LRRC40: variants seen among roughly 807,000 people sequenced by gnomAD.
LRRC40 encodes leucine rich repeat containing 40, also known as leucine-rich repeat-containing protein 40.
In LRRC40, 76 loss-of-function variants were observed where a neutral mutation model predicts 72.8. The observed-to-expected ratio is 1.04, with a 90% CI of 0.87 to 1.26. The LOEUF (loss-of-function observed/expected upper bound fraction) is 1.26, where lower values mean the gene tolerates loss of function less well. Among genes scored for constraint, LRRC40 ranks in the 50% most tolerant of loss-of-function variants. The pLI is 0.00. For missense variants in LRRC40, 684 were observed against 698.9 expected, an observed-to-expected ratio of 0.98 and a Z score of 0.24; for synonymous variants, 243 against 254.2, an observed-to-expected ratio of 0.96 and a Z score of 0.42.
At chr1:70,171,378 G>A in intron 9 of LRRC40, among the ~76,000 whole-genome samples, 1 of 148,986 alleles carries the variant, frequency 6.7e-6, no homozygotes, top group South Asian at 2.1e-4. Context: ...ATACTTCAAA[G>A]AACAACATCA....
Position 70,181,187 on chromosome 1 carries a change from G to A in LRRC40, c.560C>T (p.Thr187Ile). Residue 187 changes from threonine to isoleucine, a missense_variant, in exon 5 of 15, where the codon ACA (threonine) becomes ATA (isoleucine). Physicochemically the swap from Thr to Ile is moderately conservative, Grantham distance 89 (BLOSUM62 -1). Coordinates refer to ENST00000370952, the MANE Select transcript of LRRC40 (RefSeq NM_017768.5). ...AGAAGAAAAACTAGCAGGAACAGTT[G>A]TAAGATGATTGTTTGAAAGATCCTT... ...EDLDLSNNHL[T>I]TVPASFSSLS... The A allele has an allele frequency of 1.3e-6, 2 of 1,569,926 alleles. No individual in the cohort carries two copies. The highest frequency in any genetic ancestry group is 2.5e-5 in the South Asian group (2 of 81,616).
rs75077715 is a variant in LRRC40 at position 70,184,893 on chromosome 1, G to T, written c.429C>A (p.Leu143=). 6.2e-7 allele frequency: 1 copy of T among 1,605,024 alleles called. No homozygotes were observed. The highest frequency in any genetic ancestry group is 1.3e-5 in the African/African-American group (1 of 74,774). ...TTCTTAGGTTTGTAATTTCTTCAGG[G>T]AGTATTTTCAGTTTATTATGGCTAT... ...LNVSHNKLKI[L]PEEITNLRNL... The change falls in exon 4 of 15, where the codon CTC becomes CTA. Residue 143 remains leucine, a synonymous_variant. Transcript: ENST00000370952.
chr1:70,157,995 G>C (rs983453740), intron 10 of LRRC40, among the ~76,000 whole-genome samples: 4 of 151,056 alleles, frequency 2.6e-5, no homozygotes, highest in African/African-American at 9.7e-5. Flanking sequence ...CAGCTACTTG[G>C]GAGGCTGAGG....
At chr1:70,185,454 T>C (rs112898194) in intron 3 of LRRC40, among the ~76,000 whole-genome samples, 275 of 152,270 alleles carry the variant, frequency 1.8e-3, no homozygotes, top group African/African-American at 6.0e-3. Context: ...TCCTCATTTT[T>C]CTCCTGCTGC....
intron 12 of LRRC40, chr1:70,151,859 A>C (rs1478437018): frequency 1.3e-5 from 2 of 152,178 alleles, no homozygotes; most frequent in Non-Finnish European, 2.9e-5. Flanking sequence ...AGGAGCCAAT[A>C]TAACTACTAA....
intron 9 of LRRC40, among the ~76,000 whole-genome samples, chr1:70,167,760 G>A (rs1296361111): frequency 6.6e-6 from 1 of 151,892 alleles, no homozygotes. Context: ...GACTACAGGT[G>A]TGTGCCACCA....
chr1:70,189,540 A>G (rs1668447474), intron 1 of LRRC40, among the ~76,000 whole-genome samples: 1 of 152,220 alleles, frequency 6.6e-6, no homozygotes, highest in Non-Finnish European at 1.5e-5. Flanking sequence ...AGGTTTACAT[A>G]CACTGATTAG....
intron 9 of LRRC40, among the ~76,000 whole-genome samples, chr1:70,169,934 T>C (rs1485176782): frequency 1.3e-5 from 2 of 152,084 alleles, no homozygotes; most frequent in Admixed American, 6.5e-5. Context: ...ATGATGCCAT[T>C]ATTAGGCTAT....
At chr1:70,151,934 T>C (rs1667505656) in intron 12 of LRRC40, 1 of 152,238 alleles carries the variant, frequency 6.6e-6, no homozygotes, top group Admixed American at 6.5e-5. Flanking sequence ...ATAAATATTT[T>C]TCTCTAACCT....
Position 70,161,535 on chromosome 1 carries a change from C to A in LRRC40, c.1112-2097G>T, listed in dbSNP as rs1259797760. 1.3e-4 allele frequency among the ~76,000 whole-genome samples: 18 copies of A among 142,846 alleles called. No homozygotes were observed. The Admixed American group carries it at 1.3e-3, about 10-fold the overall frequency. The allele number at this position is 142,846 out of a possible 152,430, so 93.7% of individuals were successfully genotyped here. ...CTGCACTCCAGCCTGGGCGACAGAGCAAGGCTCCCTCTCAAAAAAAAAAAA... is the reference window on the plus strand; with the variant it reads ...CTGCACTCCAGCCTGGGCGACAGAGAAAGGCTCCCTCTCAAAAAAAAAAAA... On this transcript the variant is annotated intron_variant, in intron 9 of 14. Transcript: ENST00000370952.
intron 13 of LRRC40, 90 bp downstream of exon 13, chr1:70,151,038 G>A (rs1667470233): frequency 3.1e-6 from 2 of 644,558 alleles, no homozygotes; most frequent in Admixed American, 2.9e-5. Flanking sequence ...AGTAGAAGGG[G>A]CCTTTTTGTT....
intron 1 of LRRC40, among the ~76,000 whole-genome samples, chr1:70,192,905 A>G (rs1179839856): frequency 6.6e-6 from 1 of 151,978 alleles, no homozygotes; most frequent in Non-Finnish European, 1.5e-5. Context: ...TGTATAACGA[A>G]CCCCTCTGAC....
intron 10 of LRRC40, among the ~76,000 whole-genome samples, chr1:70,157,171 G>A (rs1667656247): frequency 1.3e-5 from 2 of 152,128 alleles, no homozygotes; most frequent in Non-Finnish European, 2.9e-5. Context: ...ATACAAATAT[G>A]TAAAGACAGC....
intron 9 of LRRC40, among the ~76,000 whole-genome samples, chr1:70,169,572 G>C (rs536169921): frequency 1.6e-4 from 24 of 152,220 alleles, no homozygotes; most frequent in South Asian, 8.3e-4. Context: ...GAAAAAAAGA[G>C]AGAAGACTCA....
At chr1:70,201,148 AC>A (rs2100355781) in intron 1 of LRRC40, among the ~76,000 whole-genome samples, 1 of 152,358 alleles carries the variant, frequency 6.6e-6, no homozygotes, top group Admixed American at 6.5e-5. Flanking sequence ...AGCCTGGGTG[AC>A]ACAGCAAGAC....
In LRRC40 at chr1:70,205,454, T is replaced by C. The variant is rs1473440043; in HGVS notation, c.87A>G (p.Gln29=). The C allele has an allele frequency of 3.7e-6, 6 of 1,609,904 alleles. No individual in the cohort carries two copies. Among genetic ancestry groups the C allele is most frequent in the East Asian group, 2.2e-5 (1 of 44,788 alleles). ...TCTTCCTCGCTGCCTTCAACAGCCC[T>C]TGGGGTACCGAGGTACCGCAGTCTC... ...GGRDCGTSVP[Q]GLLKAARKSG... The change falls in exon 1 of 15, where the codon CAA becomes CAG. Residue 29 remains glutamine, a synonymous_variant. Coordinates refer to ENST00000370952, the MANE Select transcript of LRRC40 (RefSeq NM_017768.5).
rs1431887173 is a variant in LRRC40 at position 70,150,090 on chromosome 1, T to C, written c.1517+1038A>G. Among the ~76,000 whole-genome samples the C allele has an allele frequency of 2.6e-5, 4 of 152,050 alleles. No individual in the cohort carries two copies. In the East Asian group the frequency reaches 7.7e-4, roughly 29 times the overall value. On this transcript the variant is annotated intron_variant, in intron 13 of 14. Transcript: ENST00000370952. Reference sequence around the variant, plus strand: ...GCCACCACCACGCCTGGCTAATTTTTGTATTTTTAGTAGAGATGGAGTTTC... The same window carrying C: ...GCCACCACCACGCCTGGCTAATTTTCGTATTTTTAGTAGAGATGGAGTTTC...
chr1:70,158,539 A>G (rs543753833), intron 10 of LRRC40, among the ~76,000 whole-genome samples: 20 of 152,304 alleles, frequency 1.3e-4, no homozygotes, highest in South Asian at 4.1e-4. Flanking sequence ...ACTACCTTCA[A>G]TCTCTGCATA....
intron 1 of LRRC40, among the ~76,000 whole-genome samples, chr1:70,201,164 T>C (rs1218716029): frequency 6.6e-6 from 1 of 151,932 alleles, no homozygotes; most frequent in Non-Finnish European, 1.5e-5. Context: ...CAAGACCCTG[T>C]CTCAAAAAAA....
Sources: allele counts gnomAD v4.1 joint callset (sites outside exome capture counted in the v4.1 genomes callset), GRCh38; gene constraint gnomAD v4.1.1; transcripts MANE v1.5; gene names NCBI Gene and HGNC (gene_info 2026-07-23, HGNC 2026-07-21).